NALF1: variants seen among roughly 807,000 people sequenced by gnomAD.
NALF1 encodes the protein NALCN channel auxiliary factor 1.
In NALF1, 3 loss-of-function variants were observed where a neutral mutation model predicts 48.4. That is an observed-to-expected ratio of 0.06 (90% CI 0.03 to 0.16). NALF1 has a LOEUF of 0.16. Among genes scored for constraint, NALF1 ranks in the 10% least tolerant of loss-of-function variants. NALF1 has a pLI of 1.00. For missense variants in NALF1, 526 were observed against 571.5 expected (o/e 0.92, Z 0.81); for synonymous variants, 262 against 245.7 (o/e 1.07, Z -0.62).
chr13:107,279,054 T>G (rs1460367179), intron 1 of NALF1, among the ~76,000 whole-genome samples: 1 of 149,682 alleles, frequency 6.7e-6, no homozygotes, highest in African/African-American at 2.4e-5. Flanking sequence ...TTTTTTTTTT[T>G]TTTTTTTGCA....
intron 1 of NALF1, among the ~76,000 whole-genome samples, chr13:107,312,908 C>T (rs984172919): frequency 7.2e-5 from 11 of 152,028 alleles, no homozygotes; most frequent in Admixed American, 7.2e-4. Flanking sequence ...ATAATAAGTA[C>T]CACAAGATAT....
chr13:107,842,491 C>T (rs1880067877), intron 1 of NALF1, among the ~76,000 whole-genome samples: 1 of 150,964 alleles, frequency 6.6e-6, no homozygotes, highest in African/African-American at 2.4e-5. Context: ...TGTACATTAA[C>T]CAACAAGTAA....
intron 1 of NALF1, among the ~76,000 whole-genome samples, chr13:107,480,274 C>A (rs1432807026): frequency 6.6e-6 from 1 of 152,110 alleles, no homozygotes; most frequent in East Asian, 1.9e-4. Flanking sequence ...TGAAACTTGG[C>A]ACAATGACTT....
intron 1 of NALF1, among the ~76,000 whole-genome samples, chr13:107,759,014 C>T (rs1877193894): frequency 6.6e-6 from 1 of 151,910 alleles, no homozygotes; most frequent in Non-Finnish European, 1.5e-5. Context: ...TGGCCAGGAA[C>T]CACCAAGATC....
chr13:107,735,939 T>G (rs759738139), intron 1 of NALF1, among the ~76,000 whole-genome samples: 4 of 152,176 alleles, frequency 2.6e-5, no homozygotes, highest in African/African-American at 7.2e-5. Flanking sequence ...GTAACTTTTC[T>G]CTGCTCTGAG....
intron 1 of NALF1, among the ~76,000 whole-genome samples, chr13:107,816,153 A>G (rs9587439): frequency 0.24 from 36,969 of 152,056 alleles, 6,293 homozygotes; most frequent in African/African-American, 0.47. Context: ...AAACTCAGCA[A>G]AGATCTACAG....
rs191366711 is a variant in NALF1 at position 107,786,667 on chromosome 13, G to A, written c.915+79015C>T. On this transcript the variant is annotated intron_variant, in intron 1 of 2. Transcript: ENST00000375915. ...GAATCACTTGAACCTGGGAGGCGGA[G>A]GTTGCAGTGAGCCAAGATCGCGCCA... Among the ~76,000 whole-genome samples, 132 of 152,068 alleles carry A rather than the reference G, an allele frequency of 8.7e-4. 2 individuals carry two copies. Among genetic ancestry groups the A allele is most frequent in the Admixed American group, 1.7e-3 (26 of 15,280 alleles).
intron 1 of NALF1, among the ~76,000 whole-genome samples, chr13:107,425,021 T>A (rs1447060566): frequency 6.6e-6 from 1 of 152,238 alleles, no homozygotes; most frequent in Admixed American, 6.5e-5. Context: ...AAGTATTTGC[T>A]TTTAGATTGT....
intron 1 of NALF1, among the ~76,000 whole-genome samples, chr13:107,791,246 T>C (rs917827432): frequency 2.6e-5 from 4 of 152,198 alleles, no homozygotes; most frequent in African/African-American, 9.7e-5. Context: ...AAATTTGTAA[T>C]AGCTTAAAAT....
chr13:107,253,281 CCAAAGTATGTCTA>C (rs1566464888), intron 1 of NALF1, among the ~76,000 whole-genome samples: 1 of 151,706 alleles, frequency 6.6e-6, no homozygotes, highest in East Asian at 1.9e-4. Flanking sequence ...TTTTGGAGCC[CCAAAGTATGTCTA>C]CAAAGTAACA....
chr13:107,403,205 T>TTTTTTTTTTTTTC (rs1883841151), intron 1 of NALF1, among the ~76,000 whole-genome samples: 1 of 144,474 alleles, frequency 6.9e-6, no homozygotes, highest in Non-Finnish European at 1.5e-5. Flanking sequence ...TTTTTTTTTT[T>TTTTTTTTTTTTTC]TTTTTTTTTT....
chr13:107,350,066 T>C (rs1439738970), intron 1 of NALF1, among the ~76,000 whole-genome samples: 1 of 152,122 alleles, frequency 6.6e-6, no homozygotes, highest in Non-Finnish European at 1.5e-5. Context: ...AAATCCAATG[T>C]AGCCACTGAT....
chr13:107,533,900 T>C (rs117777352), intron 1 of NALF1, among the ~76,000 whole-genome samples: 2,011 of 152,182 alleles, frequency 0.013, 25 homozygotes, highest in Middle Eastern at 0.037. Flanking sequence ...TTTGAAAATA[T>C]AGAGTTAACA....
At chr13:107,196,139 T>TGTCTTTTGG (rs1371660911) in intron 2 of NALF1, among the ~76,000 whole-genome samples, 1 of 152,116 alleles carries the variant, frequency 6.6e-6, no homozygotes, top group Non-Finnish European at 1.5e-5. Flanking sequence ...CACACATTGA[T>TGTCTTTTGG]GTCTTTTGGA....
chr13:107,394,321 A>C (rs1441081500), intron 1 of NALF1, among the ~76,000 whole-genome samples: 1 of 152,222 alleles, frequency 6.6e-6, no homozygotes, highest in Non-Finnish European at 1.5e-5. Context: ...TACCTGAGAA[A>C]ATCTCAACAG....
At position 107,241,035 on chromosome 13, in the gene NALF1, G is replaced by A. The variant is rs565874046; in HGVS notation, c.916-30280C>T. On this transcript the variant is annotated intron_variant, in intron 1 of 2. Transcript: ENST00000375915. ...TTGAGACCAGCCTGGCCAACGTGGC[G>A]AAACCCCATATCTACTAAAAAAAAA... Among the ~76,000 whole-genome samples the A allele has an allele frequency of 2.8e-4, 32 of 112,738 alleles. No homozygotes were observed. The South Asian group carries it at 8.7e-3, about 30-fold the overall frequency. 74.0% of individuals were successfully genotyped at this position (112,738 alleles called of 152,430 possible).
At chr13:107,403,144 C>G (rs1490983553) in intron 1 of NALF1, among the ~76,000 whole-genome samples, 1 of 147,346 alleles carries the variant, frequency 6.8e-6, no homozygotes, top group Non-Finnish European at 1.5e-5. Context: ...CACACTTGAC[C>G]CCACATTTTA....
chr13:107,648,743 G>A (rs927344703), intron 1 of NALF1, among the ~76,000 whole-genome samples: 1 of 152,098 alleles, frequency 6.6e-6, no homozygotes, highest in Admixed American at 6.6e-5. Flanking sequence ...GTTTAGTTGT[G>A]TATGAAACTC....
At chr13:107,641,528 T>A (rs1880155481) in intron 1 of NALF1, among the ~76,000 whole-genome samples, 1 of 152,116 alleles carries the variant, frequency 6.6e-6, no homozygotes, top group South Asian at 2.1e-4. Context: ...TATACATTCA[T>A]TTAAAAAAAT....
Sources: allele counts gnomAD v4.1 joint callset (sites outside exome capture counted in the v4.1 genomes callset), GRCh38; gene constraint gnomAD v4.1.1; transcripts MANE v1.5; gene names NCBI Gene and HGNC (gene_info 2026-07-23, HGNC 2026-07-21).